The following PRKCE variants were observed in gnomAD, a reference collection of about 807,000 sequenced individuals.
PRKCE encodes protein kinase C epsilon.
A neutral mutation model predicts 85.4 loss-of-function variants in PRKCE; 16 were observed. That is an observed-to-expected ratio of 0.19 (90% CI 0.13 to 0.28). PRKCE has a LOEUF of 0.28. Among genes scored for constraint, PRKCE ranks in the 10% least tolerant of loss-of-function variants. The pLI is 1.00. For synonymous variants in PRKCE, 388 were observed against 371.5 expected (o/e 1.04, Z -0.51); for missense variants, 573 against 975.2 (o/e 0.59, Z 5.49).
At chr2:45,695,033 C>G (rs1212481573) in intron 1 of PRKCE, among the ~76,000 whole-genome samples, 1 of 152,170 alleles carries the variant, frequency 6.6e-6, no homozygotes, top group Non-Finnish European at 1.5e-5. Context: ...GTCCTGCCCT[C>G]TGCCCCTGTG....
chr2:45,651,750 C>G lies in PRKCE; in HGVS notation c.-351C>G, dbSNP rs972617561. On this transcript the variant is annotated 5_prime_UTR_variant, in exon 1 of 15. Coordinates refer to ENST00000306156, the MANE Select transcript of PRKCE (RefSeq NM_005400.3). ...CGCCCGCTTTCCCGCAGTCCGGAGC[C>G]GGAGAGCCAGCGAGGCGGCGAGGCA... 6 of 192,130 alleles carry G rather than the reference C, an allele frequency of 3.1e-5. No individual in the cohort carries two copies. The highest frequency in any genetic ancestry group is 4.3e-5 in the Non-Finnish European group (4 of 94,102). The allele number at this position is 192,130 out of a possible 1,614,324, so 11.9% of individuals were successfully genotyped here. A position where few individuals can be genotyped will look rare whatever the true frequency, so the allele number is the denominator to read the frequency against.
intron 2 of PRKCE, among the ~76,000 whole-genome samples, chr2:45,950,986 A>G (rs1054441797): frequency 4.6e-5 from 7 of 152,156 alleles, no homozygotes; most frequent in Non-Finnish European, 8.8e-5. Flanking sequence ...CACCAAGACA[A>G]AAGCTCCAAA....
chr2:45,783,158 T>C (rs542735605), intron 1 of PRKCE, among the ~76,000 whole-genome samples: 6 of 152,326 alleles, frequency 3.9e-5, no homozygotes, highest in Admixed American at 3.9e-4. Flanking sequence ...GCTGTTTGTT[T>C]ATTTTCAATT....
intron 11 of PRKCE, among the ~76,000 whole-genome samples, chr2:46,143,832 A>T (rs1675798288): frequency 6.6e-6 from 1 of 152,236 alleles, no homozygotes; most frequent in Non-Finnish European, 1.5e-5. Context: ...CCCAGCTGTA[A>T]GTGGAAACGG....
At chr2:46,166,623 C>T (rs1204850246) in intron 14 of PRKCE, among the ~76,000 whole-genome samples, 1 of 152,226 alleles carries the variant, frequency 6.6e-6, no homozygotes, top group South Asian at 2.1e-4. Flanking sequence ...CACCTCACCC[C>T]TGGACCTCTG....
At position 45,843,076 on chromosome 2, in the gene PRKCE, G is replaced by A. The variant is rs1387463496; in HGVS notation, c.412+13G>A. 6.2e-7 allele frequency: 1 copy of A among 1,612,450 alleles called. No individual in the cohort carries two copies. Reference sequence around the variant, plus strand: ...TCGTCGGGTGAAGGTAGGAGAGCGTGACTTCTCATCCCTGTTTTCTTCCAT... The same window carrying A: ...TCGTCGGGTGAAGGTAGGAGAGCGTAACTTCTCATCCCTGTTTTCTTCCAT... On this transcript the variant is annotated intron_variant, in intron 2 of 14. Transcript: ENST00000306156.
At position 45,860,209 on chromosome 2, in the gene PRKCE, G is replaced by A. The variant is rs896573262; in HGVS notation, c.412+17146G>A. On this transcript the variant is annotated intron_variant, in intron 2 of 14. Transcript: ENST00000306156. ...TACAGTACCTGCTCAGTAAGTATTT[G>A]TTTAATGAATGACTGAATCAGAGGT... 1.1e-4 allele frequency among the ~76,000 whole-genome samples: 17 copies of A among 152,226 alleles called. 1 individual carries two copies. The highest frequency in any genetic ancestry group is 5.2e-4 in the Admixed American group (8 of 15,286).
intron 11 of PRKCE, among the ~76,000 whole-genome samples, chr2:46,105,005 T>C (rs943043037): frequency 5.3e-5 from 8 of 151,132 alleles, no homozygotes; most frequent in Non-Finnish European, 1.2e-4. Flanking sequence ...AAATGTCCTC[T>C]GTGACATCTT....
In PRKCE at chr2:45,916,770, G is replaced by A. The variant is rs185418692; in HGVS notation, c.413-59659G>A. Among the ~76,000 whole-genome samples the A allele has an allele frequency of 2.0e-5, 3 of 152,262 alleles. No individual in the cohort carries two copies. In the East Asian group the frequency reaches 5.8e-4, roughly 29 times the overall value. The stretch of plus-strand genomic sequence containing the variant: ...ATCCTACTGTGTCCGGAATTGGTGG[G>A]TTCTTGATCTCACTGACTTCAAGAA... On this transcript the variant is annotated intron_variant, in intron 2 of 14. Transcript: ENST00000306156.
intron 10 of PRKCE, among the ~76,000 whole-genome samples, chr2:46,029,810 C>T (rs1467686361): frequency 6.6e-6 from 1 of 151,942 alleles, no homozygotes; most frequent in East Asian, 1.9e-4. Context: ...TATCAAACTC[C>T]TGCAGCTTTT....
intron 11 of PRKCE, among the ~76,000 whole-genome samples, chr2:46,134,655 C>T (rs1188590871): frequency 5.3e-5 from 8 of 152,168 alleles, no homozygotes. Flanking sequence ...CTGGAAAGGC[C>T]CTTGGGGATT....
At chr2:45,852,178 C>T (rs1244430234) in intron 2 of PRKCE, among the ~76,000 whole-genome samples, 1 of 152,234 alleles carries the variant, frequency 6.6e-6, no homozygotes, top group Non-Finnish European at 1.5e-5. Flanking sequence ...GGCAAGTCAG[C>T]TGCCGATGGT....
At chr2:45,742,603 C>A (rs1215838144) in intron 1 of PRKCE, among the ~76,000 whole-genome samples, 1 of 152,076 alleles carries the variant, frequency 6.6e-6, no homozygotes, top group African/African-American at 2.4e-5. Flanking sequence ...TCAGTATTAT[C>A]AAAAAGATAA....
chr2:46,044,821 C>G (rs569396895), intron 10 of PRKCE, among the ~76,000 whole-genome samples: 44 of 152,346 alleles, frequency 2.9e-4, no homozygotes, highest in Non-Finnish European at 3.2e-4. Flanking sequence ...TGGATCCACT[C>G]TGTGCCCAGG....
At chr2:45,939,801 C>T (rs1369733433) in intron 2 of PRKCE, among the ~76,000 whole-genome samples, 1 of 152,188 alleles carries the variant, frequency 6.6e-6, no homozygotes, top group Non-Finnish European at 1.5e-5. Flanking sequence ...GATCTGCCTG[C>T]CTTGGCCTCC....
intron 7 of PRKCE, among the ~76,000 whole-genome samples, chr2:46,002,756 A>G (rs914220146): frequency 6.6e-6 from 1 of 152,222 alleles, no homozygotes; most frequent in Admixed American, 6.5e-5. Flanking sequence ...ATCAGTACCC[A>G]AGAATGCTAG....
intron 11 of PRKCE, among the ~76,000 whole-genome samples, chr2:46,135,156 TCTC>T (rs1674835175): frequency 6.6e-6 from 1 of 152,186 alleles, no homozygotes; most frequent in Admixed American, 6.5e-5. Context: ...CTAAAAGTCT[TCTC>T]TCTCCAGTTG....
intron 10 of PRKCE, among the ~76,000 whole-genome samples, chr2:46,082,041 C>T (rs1304149817): frequency 6.6e-6 from 1 of 152,104 alleles, no homozygotes; most frequent in African/African-American, 2.4e-5. Flanking sequence ...TTGCAGTGAG[C>T]CAAGATCACA....
intron 2 of PRKCE, among the ~76,000 whole-genome samples, chr2:45,915,507 C>T (rs1441445059): frequency 6.6e-6 from 1 of 152,134 alleles, no homozygotes; most frequent in East Asian, 1.9e-4. Context: ...GCCTCCTTAT[C>T]TTTAGAGATT....
Sources: gnomAD v4.1 joint callset for allele counts (sites outside exome capture counted in the v4.1 genomes callset) on GRCh38, gnomAD v4.1.1 for gene constraint, MANE v1.5 for transcripts, NCBI Gene and HGNC (gene_info 2026-07-23, HGNC 2026-07-21) for gene names.